Variants in KLRG2 observed in about 807,000 individuals in gnomAD.
KLRG2 encodes killer cell lectin-like receptor subfamily G member 2.
A neutral mutation model predicts 35.4 loss-of-function variants in KLRG2; 39 were observed. The observed-to-expected ratio is 1.10, with a 90% confidence interval of 0.85 to 1.44. The LOEUF (loss-of-function observed/expected upper bound fraction) is 1.44. Among genes scored for constraint, KLRG2 ranks in the 40% most tolerant of loss-of-function variants. The probability of loss-of-function intolerance (pLI) is 0.00; values close to 1 mark genes in which losing one functional copy is unlikely to be tolerated. For missense variants in KLRG2, 632 were observed against 570.9 expected, an observed-to-expected ratio of 1.11 and a Z score of -1.09; for synonymous variants, 283 against 265.8, an observed-to-expected ratio of 1.06 and a Z score of -0.63.
chr7:139,459,854 C>A (rs576195974), intron 3 of KLRG2, among the ~76,000 whole-genome samples: 70 of 152,124 alleles, frequency 4.6e-4, no homozygotes, highest in Middle Eastern at 3.4e-3. Flanking sequence ...CAGGTTCAAG[C>A]GATTCTCCTG....
At chr7:139,473,062 G>A (rs1045060763) in intron 3 of KLRG2, among the ~76,000 whole-genome samples, 3 of 152,008 alleles carry the variant, frequency 2.0e-5, no homozygotes, top group Non-Finnish European at 2.9e-5. Context: ...TGGGTGGGTC[G>A]CTTGAGGCCA....
the KLRG2 span, among the ~76,000 whole-genome samples, chr7:139,441,551 C>T: frequency 3.3e-5 from 5 of 152,006 alleles, no homozygotes; most frequent in Admixed American, 3.3e-4. Context: ...ACCAACATGG[C>T]ACATATAAAC....
At position 139,482,889 on chromosome 7, in the gene KLRG2, T is replaced by A. The variant is rs763488743; in HGVS notation, c.754A>T (p.Thr252Ser). The change falls in exon 1 of 5, where the codon ACG (threonine) becomes TCG (serine). Residue 252 changes from threonine (T) to serine (S), a missense_variant. Coordinates refer to ENST00000340940, the MANE Select transcript of KLRG2 (RefSeq NM_198508.4). ...GCCGGCGCAGGTGAGCACTCACCCGTAAGCGTTACGGCCCGGGGCAGCTTC... is the reference window on the plus strand; with the variant it reads ...GCCGGCGCAGGTGAGCACTCACCCGAAAGCGTTACGGCCCGGGGCAGCTTC... ...DEKLPRAVTL[T>S]GLPMYVKSLY... The A allele has an allele frequency of 3.7e-5, 55 of 1,472,156 alleles. No individual in the cohort carries two copies. In the East Asian group the frequency reaches 1.2e-3, roughly 32 times the overall value. 91.2% of individuals were successfully genotyped at this position (1,472,156 alleles called of 1,614,324 possible).
chr7:139,430,641 G>A, the KLRG2 span, among the ~76,000 whole-genome samples: 1 of 152,168 alleles, frequency 6.6e-6, no homozygotes, highest in Non-Finnish European at 1.5e-5. Context: ...GAAGACTTAT[G>A]TCCAATCAAA....
chr7:139,435,532 T>C, the KLRG2 span, among the ~76,000 whole-genome samples: 1 of 152,152 alleles, frequency 6.6e-6, no homozygotes, highest in African/African-American at 2.4e-5. Flanking sequence ...AGTTGACAAA[T>C]GTATCCCACC....
chr7:139,480,745 C>CTTT (rs34710698), intron 1 of KLRG2, among the ~76,000 whole-genome samples: 55 of 112,942 alleles, frequency 4.9e-4, no homozygotes, highest in African/African-American at 1.7e-3. Context: ...GCGTCTGGCC[C>CTTT]TTTTTTTTTT....
chr7:139,463,728 C>CGTCAGTCAGAG (rs1796607247), intron 3 of KLRG2, among the ~76,000 whole-genome samples: 1 of 152,248 alleles, frequency 6.6e-6, no homozygotes, highest in African/African-American at 2.4e-5. Flanking sequence ...CTCTGACTGA[C>CGTCAGTCAGAG]TCCTTCCCAG....
Position 139,453,627 on chromosome 7 carries a change from C to T in KLRG2, c.1190G>A (p.Ser397Asn). 1 of 1,612,988 alleles carries T rather than the reference C, an allele frequency of 6.2e-7. No homozygotes were observed. The highest frequency in any genetic ancestry group is 8.5e-7 in the Non-Finnish European group (1 of 1,179,584). ...EEGTLVAANC[S>N]TPRPWVCAKG... ...GGCACAGACCCAGGGTCTTGGAGTG[C>T]TGCAGTTTGCAGCCACCAGCGTGCC... The change falls in exon 5 of 5, where the codon AGC (serine) becomes AAC (asparagine). Residue 397 changes from serine to asparagine, a missense_variant. Ser to Asn is a conservative substitution (Grantham distance 46). Coordinates refer to ENST00000340940, the MANE Select transcript of KLRG2 (RefSeq NM_198508.4).
chr7:139,429,826 C>G, the KLRG2 span, among the ~76,000 whole-genome samples: 83 of 152,324 alleles, frequency 5.4e-4, no homozygotes, highest in South Asian at 1.4e-3. Flanking sequence ...CACCTTCCCC[C>G]CCCTTTCTAT....
the KLRG2 span, among the ~76,000 whole-genome samples, chr7:139,427,671 A>G: frequency 6.6e-6 from 1 of 152,188 alleles, no homozygotes; most frequent in Non-Finnish European, 1.5e-5. Flanking sequence ...TCTGAGCCCT[A>G]TATCCATATG....
chr7:139,464,884 T>C (rs981609364), intron 3 of KLRG2, among the ~76,000 whole-genome samples: 33 of 152,368 alleles, frequency 2.2e-4, no homozygotes, highest in African/African-American at 7.9e-4. Context: ...TCCTCACACC[T>C]GACACATATA....
At chr7:139,428,415 T>A in the KLRG2 span, among the ~76,000 whole-genome samples, 58,311 of 151,502 alleles carry the variant, frequency 0.38, 15,519 homozygotes, top group African/African-American at 0.76. Flanking sequence ...GCTAATTTTT[T>A]AAAAAATTTT....
At chr7:139,431,179 CTA>C in the KLRG2 span, among the ~76,000 whole-genome samples, 1 of 152,156 alleles carries the variant, frequency 6.6e-6, no homozygotes. Context: ...AATCAATTCT[CTA>C]TGTGAAATCC....
intron 3 of KLRG2, among the ~76,000 whole-genome samples, chr7:139,463,026 T>G (rs1322715759): frequency 6.6e-6 from 1 of 152,150 alleles, no homozygotes; most frequent in Non-Finnish European, 1.5e-5. Flanking sequence ...CGACGCGGCT[T>G]ACAGTTTCGT....
At chr7:139,465,421 G>A (rs1019657792) in intron 3 of KLRG2, among the ~76,000 whole-genome samples, 5 of 152,254 alleles carry the variant, frequency 3.3e-5, no homozygotes, top group African/African-American at 7.2e-5. Context: ...CACCGGGCGC[G>A]GTGGCTCACG....
the KLRG2 span, among the ~76,000 whole-genome samples, chr7:139,431,807 A>G: frequency 5.3e-5 from 8 of 152,070 alleles, no homozygotes; most frequent in Non-Finnish European, 8.8e-5. Flanking sequence ...GTAGAAAGCA[A>G]AGGTATGCTC....
In KLRG2 at chr7:139,483,304, C is replaced by A. The variant is rs1190969224; in HGVS notation, c.339G>T (p.Glu113Asp). 1 of 1,555,804 alleles carries A rather than the reference C, an allele frequency of 6.4e-7. No homozygotes were observed. The highest frequency in any genetic ancestry group is 8.6e-7 in the Non-Finnish European group (1 of 1,162,438). The change falls in exon 1 of 5, where the codon GAG becomes GAT. Residue 113 changes from glutamate (E) to aspartate (D), a missense_variant. Glu to Asp is a conservative substitution (Grantham distance 45, BLOSUM62 2). Coordinates refer to ENST00000340940, the MANE Select transcript of KLRG2 (RefSeq NM_198508.4). ...TGGGCGCCCAGGCGCTGGGCGCAGG[C>A]TCAGCCCCGGGCGCCTCGCCATTCC... The part of the protein sequence containing the change: ...LPRNGEAPGA[E>D]PAPSAWAPME...
chr7:139,457,568 C>T (rs1444967167), intron 3 of KLRG2, among the ~76,000 whole-genome samples: 2 of 152,190 alleles, frequency 1.3e-5, no homozygotes, highest in African/African-American at 2.4e-5. Flanking sequence ...CATGTCCTCT[C>T]GCGTCTGACA....
the KLRG2 span, among the ~76,000 whole-genome samples, chr7:139,430,132 A>G: frequency 2.0e-5 from 3 of 152,232 alleles, no homozygotes; most frequent in African/African-American, 7.2e-5. Flanking sequence ...GCCGGGCGCA[A>G]TGGCTAATGC....
Sources: allele counts gnomAD v4.1 joint callset (sites outside exome capture counted in the v4.1 genomes callset), GRCh38; gene constraint gnomAD v4.1.1; transcripts MANE v1.5; gene names NCBI Gene and HGNC (gene_info 2026-07-23, HGNC 2026-07-21).